RNF145: variants seen among roughly 807,000 people sequenced by gnomAD.
The protein encoded by RNF145 is ring finger protein 145.
In RNF145, 12 loss-of-function variants were observed where a neutral mutation model predicts 57.3. The ratio of observed to expected loss-of-function variants is 0.21; its 90% CI spans 0.13 to 0.34. RNF145 has a LOEUF of 0.34. Among genes scored for constraint, RNF145 ranks in the 10% least tolerant of loss-of-function variants. The pLI is 1.00. For synonymous variants in RNF145, 262 were observed against 288.3 expected (o/e 0.91, Z 0.92); for missense variants, 429 against 799.0 (o/e 0.54, Z 5.58).
At chr5:159,202,166 G>A (rs1257685120) in intron 2 of RNF145, among the ~76,000 whole-genome samples, 1 of 152,090 alleles carries the variant, frequency 6.6e-6, no homozygotes, top group Non-Finnish European at 1.5e-5. Context: ...TAATATTCCT[G>A]GTTATCAGGC....
intron 3 of RNF145, among the ~76,000 whole-genome samples, chr5:159,185,070 T>C (rs936156790): frequency 6.6e-6 from 1 of 152,132 alleles, no homozygotes; most frequent in Non-Finnish European, 1.5e-5. Flanking sequence ...TCAATTTAAG[T>C]CTGTATCATT....
chr5:159,203,780 T>A (rs1162022730), intron 1 of RNF145, 124 bp from the exon 2 acceptor site: 4 of 626,698 alleles, frequency 6.4e-6, no homozygotes, highest in Non-Finnish European at 1.1e-5. Flanking sequence ...GTATACTACT[T>A]CTCAGCCACA....
intron 6 of RNF145, among the ~76,000 whole-genome samples, chr5:159,170,558 C>T (rs902915948): frequency 4.3e-4 from 66 of 152,162 alleles, no homozygotes; most frequent in African/African-American, 1.5e-3. Flanking sequence ...CTATTATGTA[C>T]TGAGATAGAT....
At chr5:159,181,598 A>G (rs1421828786) in intron 4 of RNF145, among the ~76,000 whole-genome samples, 1 of 152,104 alleles carries the variant, frequency 6.6e-6, no homozygotes, top group African/African-American at 2.4e-5. Context: ...TTCATTTTTG[A>G]CAATAAGGTC....
At chr5:159,209,563 G>A (rs1412154040), upstream of RNF145, 5 of 996,932 alleles carry the variant, frequency 5.0e-6, no homozygotes, top group Non-Finnish European at 4.8e-6. Context: ...CGGCGGCCGC[G>A]GCCCGACTTC....
Position 159,209,262 on chromosome 5 carries a change from G to A in RNF145, c.-71C>T, listed in dbSNP as rs1584720101. On this transcript the variant is annotated 5_prime_UTR_variant, in exon 1 of 11. Transcript: ENST00000424310. The stretch of plus-strand genomic sequence containing the variant: ...CTGCGGACTCCCTCCCTGGGGAGCG[G>A]CGCTGCCGGCGGGCGGGCTCCGCAA... 1 of 985,350 alleles carries A rather than the reference G, an allele frequency of 1.0e-6. No homozygotes were observed. Among genetic ancestry groups the A allele is most frequent in the East Asian group, 1.1e-4 (1 of 8,774 alleles). 61.0% of individuals were successfully genotyped at this position (985,350 alleles called of 1,614,324 possible). A position where few individuals can be genotyped will look rare whatever the true frequency, so the allele number is the denominator to read the frequency against.
At chr5:159,180,178 C>T (rs1418570513) in intron 4 of RNF145, among the ~76,000 whole-genome samples, 4 of 152,062 alleles carry the variant, frequency 2.6e-5, no homozygotes, top group African/African-American at 9.7e-5. Flanking sequence ...ACTGGTGCTT[C>T]CTAGACTTGA....
chr5:159,183,094 A>G (rs1343085703), intron 3 of RNF145, among the ~76,000 whole-genome samples: 2 of 152,210 alleles, frequency 1.3e-5, no homozygotes, highest in African/African-American at 2.4e-5. Flanking sequence ...AAAATTGTTA[A>G]AAGAATTAAA....
intron 8 of RNF145, among the ~76,000 whole-genome samples, chr5:159,163,443 T>C (rs1479678621): frequency 2.0e-5 from 3 of 152,222 alleles, no homozygotes; most frequent in African/African-American, 7.2e-5. Context: ...TTGTGGTCTT[T>C]TTCAAATCTT....
chr5:159,209,573 CCGCACT>C, upstream of RNF145: 1 of 1,012,480 alleles, frequency 9.9e-7, no homozygotes, highest in Non-Finnish European at 1.2e-6. Flanking sequence ...GGCCCGACTT[CCGCACT>C]CTGCGCCTGC....
rs140341065 is a variant in RNF145, at chr5:159,157,718, C to T, written c.*952G>A. On this transcript the variant is annotated 3_prime_UTR_variant, in exon 11 of 11. Transcript: ENST00000424310. ...TTAACAGCTTTAAAAGTGGCATTTG[C>T]AGAGTGTGATCATACAGTTATGTAC... The T allele has an allele frequency of 3.3e-5, 5 of 152,828 alleles. No homozygotes were observed. In the East Asian group the frequency reaches 9.4e-4, roughly 29 times the overall value. 9.5% of individuals were successfully genotyped at this position (152,828 alleles called of 1,614,324 possible). A position where few individuals can be genotyped will look rare whatever the true frequency, so the allele number is the denominator to read the frequency against.
chr5:159,203,631 T>A lies in RNF145; in HGVS notation c.-14A>T, dbSNP rs761787119. The A allele has an allele frequency of 3.1e-6, 5 of 1,594,424 alleles. No homozygotes were observed. In the East Asian group the frequency reaches 1.1e-4, roughly 36 times the overall value. The stretch of plus-strand genomic sequence containing the variant: ...CTTTGCAGCCATGTTGTTTTTTTTT[T>A]TCTTTTTTTTTTTCTTGGAGAAGAC... On this transcript the variant is annotated 5_prime_UTR_variant, in exon 2 of 11. Transcript: ENST00000424310.
At chr5:159,160,850 G>A (rs1784191468) in intron 10 of RNF145, among the ~76,000 whole-genome samples, 1 of 152,000 alleles carries the variant, frequency 6.6e-6, no homozygotes, top group Non-Finnish European at 1.5e-5. Context: ...CCTATGTTAG[G>A]TACATGAATA....
intron 3 of RNF145, among the ~76,000 whole-genome samples, chr5:159,192,606 AACAAG>A: frequency 6.6e-6 from 1 of 152,220 alleles, no homozygotes; most frequent in Admixed American, 6.5e-5. Context: ...ATGTGATAAA[AACAAG>A]ACAAAAGAAT....
intron 6 of RNF145, among the ~76,000 whole-genome samples, chr5:159,172,381 T>C (rs1784587756): frequency 6.6e-6 from 1 of 151,892 alleles, no homozygotes; most frequent in Non-Finnish European, 1.5e-5. Context: ...CTTGGGAGGC[T>C]GAGGCAGGAG....
At chr5:159,184,286 C>T (rs777543221) in intron 3 of RNF145, among the ~76,000 whole-genome samples, 7 of 152,168 alleles carry the variant, frequency 4.6e-5, no homozygotes, top group Non-Finnish European at 7.4e-5. Flanking sequence ...TTTTTAAAAA[C>T]TTTGTCTTTC....
chr5:159,179,466 T>C (rs1318674393), intron 4 of RNF145, among the ~76,000 whole-genome samples: 1 of 152,066 alleles, frequency 6.6e-6, no homozygotes, highest in African/African-American at 2.4e-5. Context: ...TCAAAAAAGT[T>C]TGTTACTGAA....
chr5:159,194,565 T>C lies in RNF145; in HGVS notation c.293+151A>G, dbSNP rs916935445. On this transcript the variant is annotated intron_variant, in intron 3 of 10. Coordinates refer to ENST00000424310, the MANE Select transcript of RNF145 (RefSeq NM_001199383.2). ...AATGTCAGCATAAACCAGCTATTAATCCTGTGTAAGATTTGGAAAATGAGT... is the reference window on the plus strand; with the variant it reads ...AATGTCAGCATAAACCAGCTATTAACCCTGTGTAAGATTTGGAAAATGAGT... 6 of 621,750 alleles carry C rather than the reference T, an allele frequency of 9.7e-6. No individual in the cohort carries two copies. The East Asian group carries it at 1.6e-4, about 17-fold the overall frequency. The allele number at this position is 621,750 out of a possible 1,614,324, so 38.5% of individuals were successfully genotyped here. A position where few individuals can be genotyped will look rare whatever the true frequency, so the allele number is the denominator to read the frequency against.
chr5:159,175,706 C>G (rs529331826), intron 5 of RNF145, among the ~76,000 whole-genome samples: 142 of 152,158 alleles, frequency 9.3e-4, no homozygotes, highest in Non-Finnish European at 1.7e-3. Flanking sequence ...CTGTGTAAGA[C>G]GAAGATAGAA....
Sources: gnomAD v4.1 joint callset for allele counts (sites outside exome capture counted in the v4.1 genomes callset) on GRCh38, gnomAD v4.1.1 for gene constraint, MANE v1.5 for transcripts, NCBI Gene and HGNC (gene_info 2026-07-23, HGNC 2026-07-21) for gene names.